The following ERMAP variants were observed in gnomAD, a reference collection of about 807,000 sequenced individuals.
ERMAP encodes the protein erythroid membrane-associated protein.
A neutral mutation model predicts 49.5 loss-of-function variants in ERMAP; 34 were observed. That is an observed-to-expected ratio of 0.69 (90% CI 0.52 to 0.91). The LOEUF (loss-of-function observed/expected upper bound fraction) is 0.91, where lower values mean the gene tolerates loss of function less well. ERMAP is among the 40% of genes least tolerant of loss of function. ERMAP has a pLI of 0.00. For missense variants in ERMAP, 541 were observed against 582.6 expected (o/e 0.93, Z 0.74); for synonymous variants, 214 against 232.2 (o/e 0.92, Z 0.71).
rs1301713192 is a variant in ERMAP, at chr1:42,830,127, T to C, written c.-5-317T>C. The C allele has an allele frequency of 1.2e-5, 4 of 338,494 alleles. No homozygotes were observed. In the East Asian group the frequency reaches 1.8e-4, roughly 16 times the overall value. 21.0% of individuals were successfully genotyped at this position (338,494 alleles called of 1,614,324 possible). A position where few individuals can be genotyped will look rare whatever the true frequency, so the allele number is the denominator to read the frequency against. On this transcript the variant is annotated intron_variant, in intron 2 of 11. Transcript: ENST00000372517. ...GTTCTGGATCCTCACTCATCTCATC[T>C]GCACTGACATCCTCACTCACGGCAT... is the stretch of plus-strand genomic sequence containing the variant.
intron 8 of ERMAP, chr1:42,839,463 A>AGCTGGGTGTG (rs1654995953): frequency 1.2e-5 from 2 of 166,720 alleles, no homozygotes; most frequent in South Asian, 3.0e-4. Flanking sequence ...ATACAAAATT[A>AGCTGGGTGTG]GCTGGGTGTG....
rs780066142 is a variant in ERMAP at position 42,817,159 on chromosome 1, G to A, written c.-216G>A. The A allele has an allele frequency of 2.2e-3, 2,626 of 1,204,186 alleles. 2 individuals are homozygous for A. The highest frequency in any genetic ancestry group is 2.7e-3 in the Non-Finnish European group (2,556 of 943,762). 74.6% of individuals were successfully genotyped at this position (1,204,186 alleles called of 1,614,324 possible). On this transcript the variant is annotated 5_prime_UTR_variant, in exon 1 of 12. Coordinates refer to ENST00000372517, the MANE Select transcript of ERMAP (RefSeq NM_001017922.2). ...CTGGAGGAAAATGGCGGTCGCTGGA[G>A]CCGCCGACCAAGAGGCTTGGGAGTC...
intron 5 of ERMAP, 39 bp from the exon 6 acceptor site, chr1:42,835,693 C>A: frequency 6.8e-6 from 11 of 1,610,588 alleles, no homozygotes; most frequent in Non-Finnish European, 9.3e-6. Context: ...TAGAAAAAGC[C>A]CTTCCTAAGC....
intron 8 of ERMAP, chr1:42,839,524 C>T (rs943466655): frequency 1.2e-5 from 2 of 169,916 alleles, no homozygotes; most frequent in East Asian, 1.6e-4. Flanking sequence ...GCAGGAGAAT[C>T]GCTTGAACCT....
At chr1:42,836,419 T>C (rs1654895424) in intron 6 of ERMAP, among the ~76,000 whole-genome samples, 1 of 149,252 alleles carries the variant, frequency 6.7e-6, no homozygotes, top group Non-Finnish European at 1.5e-5. Flanking sequence ...GGTGCAGGAG[T>C]GAGGGGAAAA....
chr1:42,841,393 G>A (rs144027309), intron 11 of ERMAP, among the ~76,000 whole-genome samples: 7 of 152,124 alleles, frequency 4.6e-5, no homozygotes, highest in South Asian at 2.1e-4. Context: ...TAATAATTTC[G>A]TCCTACGTAC....
At position 42,835,019 on chromosome 1, in the gene ERMAP, T is replaced by C. The variant is rs369245378; in HGVS notation, c.434-19T>C. On this transcript the variant is annotated intron_variant, in intron 4 of 11. Coordinates refer to ENST00000372517, the MANE Select transcript of ERMAP (RefSeq NM_001017922.2). ...TTAGACATCTCCCTGAGGTCAGTCG[T>C]TGGTGGTTTCTGTTTCAGCCCCATC... 3.1e-6 allele frequency: 3 copies of C among 978,430 alleles called. No individual in the cohort carries two copies. The African/African-American group carries it at 4.8e-5, about 16-fold the overall frequency. 60.6% of individuals were successfully genotyped at this position (978,430 alleles called of 1,614,324 possible).
At chr1:42,828,730 T>TAGCTAAAG (rs1193932399) in intron 2 of ERMAP, among the ~76,000 whole-genome samples, 1 of 152,094 alleles carries the variant, frequency 6.6e-6, no homozygotes, top group African/African-American at 2.4e-5. Flanking sequence ...ACTCCTGAGC[T>TAGCTAAAG]CAAGTGATCC....
rs1007407959 is a variant in ERMAP at position 42,817,277 on chromosome 1, A to C, written c.-122+24A>C. On this transcript the variant is annotated intron_variant, in intron 1 of 11. Coordinates refer to ENST00000372517, the MANE Select transcript of ERMAP (RefSeq NM_001017922.2). ...GGGTAATCCTCGCCTTCCCCCGACCACTGGACCCAGCGCTGCCTGCCCACC... is the reference window on the plus strand; with the variant it reads ...GGGTAATCCTCGCCTTCCCCCGACCCCTGGACCCAGCGCTGCCTGCCCACC... 4 of 1,231,884 alleles carry C rather than the reference A, an allele frequency of 3.2e-6. No individual in the cohort carries two copies. The East Asian group carries it at 2.5e-4, about 78-fold the overall frequency. 76.3% of individuals were successfully genotyped at this position (1,231,884 alleles called of 1,614,324 possible).
chr1:42,825,499 C>A, intron 1 of ERMAP, 124 bp from the exon 2 acceptor site: 4 of 1,184,820 alleles, frequency 3.4e-6, no homozygotes, highest in Non-Finnish European at 4.2e-6. Flanking sequence ...TTATCAGGGG[C>A]ATACAGACAG....
chr1:42,839,020 G>A, intron 8 of ERMAP, 99 bp downstream of exon 8: 1 of 1,597,156 alleles, frequency 6.3e-7, no homozygotes, highest in Non-Finnish European at 8.6e-7. Context: ...GAAGGGAGGG[G>A]GTACTGGTAA....
chr1:42,833,354 A>G (rs1412861233), intron 4 of ERMAP, among the ~76,000 whole-genome samples: 1 of 152,240 alleles, frequency 6.6e-6, no homozygotes, highest in East Asian at 1.9e-4. Flanking sequence ...ACATTTTTGT[A>G]TCTTTCTTGC....
chr1:42,828,403 A>G (rs542452071), intron 2 of ERMAP, among the ~76,000 whole-genome samples: 14 of 152,260 alleles, frequency 9.2e-5, no homozygotes, highest in African/African-American at 3.1e-4. Context: ...AGGTTTGGAG[A>G]AGTAAACTAA....
In ERMAP at chr1:42,825,687, C is replaced by G. The variant is rs1654523610; in HGVS notation, c.-57C>G. The G allele has an allele frequency of 7.8e-7, 1 of 1,289,394 alleles. No homozygotes were observed. The highest frequency in any genetic ancestry group is 1.0e-6 in the Non-Finnish European group (1 of 988,868). 79.9% of individuals were successfully genotyped at this position (1,289,394 alleles called of 1,614,324 possible). A position where few individuals can be genotyped will look rare whatever the true frequency, so the allele number is the denominator to read the frequency against. On this transcript the variant is annotated 5_prime_UTR_variant, in exon 2 of 12. Transcript: ENST00000372517. ...ATGGGGAAGGAGTGTTCCCAGCTTG[C>G]AAACTCCAGCTTTGCCTGTGAGAGG...
chr1:42,821,854 A>T (rs984125014), intron 1 of ERMAP, among the ~76,000 whole-genome samples: 63 of 152,120 alleles, frequency 4.1e-4, no homozygotes, highest in African/African-American at 1.3e-3. Flanking sequence ...CTACAAAAAA[A>T]TTTTTAAAAA....
At chr1:42,831,313 G>A (rs1042958117) in intron 4 of ERMAP, among the ~76,000 whole-genome samples, 198 bp downstream of exon 4, 11 of 152,194 alleles carry the variant, frequency 7.2e-5, no homozygotes, top group African/African-American at 1.7e-4. Flanking sequence ...TTTCTGATAA[G>A]GAAGGAACTC....
chr1:42,820,381 CT>C (rs35589923), intron 1 of ERMAP, among the ~76,000 whole-genome samples: 128,313 of 131,476 alleles, frequency 0.98, 62,683 homozygotes, highest in East Asian at 0.99. Flanking sequence ...ATCAGTTTCT[CT>C]TTTTTTTTTT....
intron 2 of ERMAP, among the ~76,000 whole-genome samples, chr1:42,826,852 C>T (rs1371092293): frequency 3.6e-4 from 6 of 16,476 alleles, no homozygotes; most frequent in Non-Finnish European, 7.7e-4. Context: ...GAAACTCTGT[C>T]TCAAAAAAAA....
intron 4 of ERMAP, among the ~76,000 whole-genome samples, chr1:42,833,023 C>T (rs974714239): frequency 1.3e-5 from 2 of 152,238 alleles, no homozygotes; most frequent in African/African-American, 4.8e-5. Flanking sequence ...AAGCTGGGCT[C>T]TTCCAAATAG....
Sources: gnomAD v4.1 joint callset for allele counts (sites outside exome capture counted in the v4.1 genomes callset) on GRCh38, gnomAD v4.1.1 for gene constraint, MANE v1.5 for transcripts, NCBI Gene and HGNC (gene_info 2026-07-23, HGNC 2026-07-21) for gene names.